The following ST3GAL1 variants were observed in gnomAD, a reference collection of about 807,000 sequenced individuals.
The protein encoded by ST3GAL1 is ST3 beta-galactoside alpha-2,3-sialyltransferase 1, also known as CMP-N-acetylneuraminate-beta-galactosamide-alpha-2,3-sialyltransferase 1.
A neutral mutation model predicts 34.1 loss-of-function variants in ST3GAL1; 16 were observed. That is an observed-to-expected ratio of 0.47 (90% CI 0.32 to 0.71). ST3GAL1 has a LOEUF of 0.71. Ranked by LOEUF, ST3GAL1 falls within the 30% of genes least tolerant of loss-of-function variation. The pLI, the probability that ST3GAL1 is intolerant of heterozygous loss-of-function variation, is 0.04. For missense variants in ST3GAL1, 353 were observed against 447.4 expected, an observed-to-expected ratio of 0.79 and a Z score of 1.90; for synonymous variants, 191 against 184.7, an observed-to-expected ratio of 1.03 and a Z score of -0.28.
Position 133,514,322 on chromosome 8 carries a change from T to A in ST3GAL1, c.-428-15133A>T, listed in dbSNP as rs116065233. Among the ~76,000 whole-genome samples, 1,369 of 152,296 alleles carry A rather than the reference T, an allele frequency of 9.0e-3. 23 individuals are homozygous for A. The highest frequency in any genetic ancestry group is 0.031 in the African/African-American group (1,275 of 41,554). The stretch of plus-strand genomic sequence containing the variant: ...CTCCCTGGCCACAGGCATTGGGTAC[T>A]ATTCATTTTGGCTTTAGGATCACTG... On this transcript the variant is annotated intron_variant, in intron 2 of 9. Coordinates refer to ENST00000522652, the MANE Select transcript of ST3GAL1 (RefSeq NM_173344.3).
intron 2 of ST3GAL1, among the ~76,000 whole-genome samples, chr8:133,512,652 C>T (rs1331916109): frequency 1.3e-5 from 2 of 152,154 alleles, no homozygotes; most frequent in African/African-American, 2.4e-5. Context: ...TGAGTCCGCA[C>T]AGGGTTGGTC....
At chr8:133,540,922 T>TATATATAGACATATATATATAG (rs1563734216) in intron 2 of ST3GAL1, among the ~76,000 whole-genome samples, 2 of 37,736 alleles carry the variant, frequency 5.3e-5, no homozygotes, top group Admixed American at 2.6e-4. Flanking sequence ...TATATAGACA[T>TATATATAGACATATATATATAG]ATATATATAG....
chr8:133,562,841 C>CCTTCCTTCCTTTTTCTTT (rs1491286901), intron 1 of ST3GAL1, among the ~76,000 whole-genome samples: 2 of 82,496 alleles, frequency 2.4e-5, no homozygotes, highest in African/African-American at 8.9e-5. Context: ...TTCCTTCCTT[C>CCTTCCTTCCTTTTTCTTT]CTTTCTTTCT....
intron 1 of ST3GAL1, among the ~76,000 whole-genome samples, chr8:133,551,347 A>T (rs142483031): frequency 0.011 from 1,730 of 152,084 alleles, 27 homozygotes; most frequent in African/African-American, 0.038. Context: ...GTGCACCTGT[A>T]GTCCCAGCTA....
At chr8:133,569,192 T>A (rs1334453071) in intron 1 of ST3GAL1, among the ~76,000 whole-genome samples, 1 of 152,146 alleles carries the variant, frequency 6.6e-6, no homozygotes, top group East Asian at 1.9e-4. Context: ...CCTGGCCTTG[T>A]CCAATCAGAC....
At position 133,531,216 on chromosome 8, in the gene ST3GAL1, AAT is replaced by A. The variant is rs1421964056; in HGVS notation, c.-429+14556_-429+14557del. Among the ~76,000 whole-genome samples the A allele has an allele frequency of 6.6e-5, 10 of 151,494 alleles. No homozygotes were observed. In the East Asian group the frequency reaches 1.7e-3, roughly 26 times the overall value. On this transcript the variant is annotated intron_variant, in intron 2 of 9. Coordinates refer to ENST00000522652, the MANE Select transcript of ST3GAL1 (RefSeq NM_173344.3). ...TTTTTCAATTGGTTTTAGTATATGT[AAT>A]ATATATATAGCATAAATATACATGA...
At chr8:133,479,726 G>A (rs1008547859) in intron 3 of ST3GAL1, among the ~76,000 whole-genome samples, 1 of 152,178 alleles carries the variant, frequency 6.6e-6, no homozygotes, top group African/African-American at 2.4e-5. Context: ...TGCACAGGTT[G>A]TGGGACTGTG....
chr8:133,541,094 A>AG (rs1818505431), intron 2 of ST3GAL1, among the ~76,000 whole-genome samples: 1 of 54,558 alleles, frequency 1.8e-5, no homozygotes, highest in African/African-American at 1.0e-4. Context: ...TATATATATA[A>AG]ACATATATAT....
intron 2 of ST3GAL1, among the ~76,000 whole-genome samples, chr8:133,531,687 G>A (rs1050114463): frequency 4.6e-5 from 7 of 151,954 alleles, no homozygotes; most frequent in Non-Finnish European, 8.8e-5. Flanking sequence ...AGAGCATTAG[G>A]ACAAATAGCT....
intron 8 of ST3GAL1, 109 bp downstream of exon 8, chr8:133,463,302 CCAG>C: frequency 8.1e-7 from 1 of 1,230,008 alleles, no homozygotes; most frequent in Non-Finnish European, 1.2e-6. Flanking sequence ...GATGCTACCT[CCAG>C]CGGCCTGGGG....
chr8:133,514,932 C>T (rs1389231764), intron 2 of ST3GAL1, among the ~76,000 whole-genome samples: 1 of 152,120 alleles, frequency 6.6e-6, no homozygotes, highest in East Asian at 1.9e-4. Flanking sequence ...CCGATGGCCC[C>T]CCGCTCCCCC....
intron 2 of ST3GAL1, among the ~76,000 whole-genome samples, chr8:133,513,802 GGGA>G (rs777166039): frequency 6.6e-6 from 1 of 152,104 alleles, no homozygotes; most frequent in Non-Finnish European, 1.5e-5. Flanking sequence ...GGGGGGCTGA[GGGA>G]GGAGAATTGC....
chr8:133,566,826 T>A (rs1033488637), intron 1 of ST3GAL1, among the ~76,000 whole-genome samples: 2 of 152,202 alleles, frequency 1.3e-5, no homozygotes, highest in Non-Finnish European at 2.9e-5. Context: ...GCTTGGAGGC[T>A]CTCATGGTGT....
At chr8:133,529,195 T>C (rs1213722063) in intron 2 of ST3GAL1, among the ~76,000 whole-genome samples, 1 of 152,192 alleles carries the variant, frequency 6.6e-6, no homozygotes, top group Non-Finnish European at 1.5e-5. Context: ...CTAGCCCTCT[T>C]GCCACAGTGC....
At chr8:133,465,655 C>G (rs775795494) in intron 6 of ST3GAL1, 53 of 412,028 alleles carry the variant, frequency 1.3e-4, no homozygotes, top group Middle Eastern at 6.3e-4. Flanking sequence ...AACGGGGGAC[C>G]TCCCGTGTAT....
chr8:133,546,437 C>T (rs866510676), intron 1 of ST3GAL1, among the ~76,000 whole-genome samples: 32 of 145,830 alleles, frequency 2.2e-4, no homozygotes, highest in African/African-American at 7.4e-4. Context: ...GAGCCCAGAT[C>T]GTGCCACTGC....
At chr8:133,464,653 T>C in intron 7 of ST3GAL1, 125 bp downstream of exon 7, 1 of 1,038,868 alleles carries the variant, frequency 9.6e-7, no homozygotes, top group Non-Finnish European at 1.4e-6. Flanking sequence ...GGCTTGTGTG[T>C]GCCGGAGGAG....
intron 2 of ST3GAL1, among the ~76,000 whole-genome samples, chr8:133,517,416 C>T (rs1009392239): frequency 2.0e-5 from 3 of 152,196 alleles, no homozygotes; most frequent in Non-Finnish European, 2.9e-5. Flanking sequence ...GTGGTGCAAT[C>T]TCAGTTCACT....
rs527609137 is a variant in ST3GAL1, at chr8:133,508,263, G to T, written c.-428-9074C>A. Among the ~76,000 whole-genome samples the T allele has an allele frequency of 6.6e-6, 1 of 152,156 alleles. No individual in the cohort carries two copies. The highest frequency in any genetic ancestry group is 1.5e-5 in the Non-Finnish European group (1 of 68,042). On this transcript the variant is annotated intron_variant, in intron 2 of 9. Coordinates refer to ENST00000522652, the MANE Select transcript of ST3GAL1 (RefSeq NM_173344.3). This position sits in a 1 kb window ranked among gnomAD's most constrained non-coding sequence, Gnocchi z 4.1. The stretch of plus-strand genomic sequence containing the variant: ...AACACGTTTCTTATGTGGAATTATC[G>T]GATTCCTGTCTTTCCTTTCTGCTGC...
Sources: gnomAD v4.1 joint callset for allele counts (sites outside exome capture counted in the v4.1 genomes callset) on GRCh38, gnomAD v4.1.1 for gene constraint, Gnocchi (gnomAD v3.1) non-coding constraint, MANE v1.5 for transcripts, NCBI Gene and HGNC (gene_info 2026-07-23, HGNC 2026-07-21) for gene names.